The following RALGAPA2 variants were observed in gnomAD, a reference collection of about 807,000 sequenced individuals.
RALGAPA2 encodes ral GTPase-activating protein subunit alpha-2.
RALGAPA2 carries 139 observed loss-of-function variants against 230.4 expected under a neutral mutation model. The ratio of observed to expected loss-of-function variants is 0.60; its 90% CI spans 0.53 to 0.69. The LOEUF (loss-of-function observed/expected upper bound fraction) is 0.69. Among genes scored for constraint, RALGAPA2 ranks in the 30% least tolerant of loss-of-function variants. The probability of loss-of-function intolerance (pLI) is 0.00; values close to 1 mark genes in which losing one functional copy is unlikely to be tolerated. For missense variants in RALGAPA2, 2,163 were observed against 2,276.0 expected (o/e 0.95, Z 1.01); for synonymous variants, 847 against 837.8 (o/e 1.01, Z -0.19).
rs1286950747 is a variant in RALGAPA2 at position 20,398,162 on chromosome 20, T to C, written c.5618-1428A>G. 2.0e-5 allele frequency among the ~76,000 whole-genome samples: 3 copies of C among 152,214 alleles called. No homozygotes were observed. The highest frequency in any genetic ancestry group is 2.9e-5 in the Non-Finnish European group (2 of 68,038). On this transcript the variant is annotated intron_variant, in intron 38 of 39. Transcript: ENST00000202677. This position sits in a 1 kb window ranked among gnomAD's most constrained non-coding sequence, Gnocchi z 4.5. ...CCTTGAGTTGAGGAAGTTCGGCTTT[T>C]AGAGCACCATGCCACTGACACCCTC...
intron 16 of RALGAPA2, among the ~76,000 whole-genome samples, chr20:20,595,238 T>C (rs1281706570): frequency 2.0e-5 from 3 of 152,152 alleles, no homozygotes; most frequent in African/African-American, 7.2e-5. Context: ...GTAAGTGGAG[T>C]GAGGCTCATT....
intron 37 of RALGAPA2, among the ~76,000 whole-genome samples, chr20:20,458,430 TA>T (rs1386143267): frequency 1.4e-5 from 2 of 140,612 alleles, no homozygotes; most frequent in Admixed American, 1.5e-4. Flanking sequence ...AATATATATG[TA>T]TTTTTTATAT....
At chr20:20,409,719 C>T (rs972511741) in intron 38 of RALGAPA2, among the ~76,000 whole-genome samples, 30 of 152,192 alleles carry the variant, frequency 2.0e-4, no homozygotes, top group African/African-American at 6.0e-4. Flanking sequence ...TCCTCAAAAG[C>T]GAAGCCAGTA....
intron 31 of RALGAPA2, among the ~76,000 whole-genome samples, chr20:20,513,642 C>A (rs1206962240): frequency 3.9e-5 from 6 of 152,162 alleles, no homozygotes; most frequent in Non-Finnish European, 2.9e-5. Context: ...GGGATCCAAG[C>A]AACCCAGGCC....
At chr20:20,601,580 C>T (rs2065654703) in intron 16 of RALGAPA2, 102 bp downstream of exon 16, 1 of 1,169,816 alleles carries the variant, frequency 8.5e-7, no homozygotes, top group Non-Finnish European at 1.2e-6. Context: ...AATATAAGGT[C>T]TAATATTTAA....
chr20:20,557,939 A>T (rs1374746044), intron 23 of RALGAPA2, among the ~76,000 whole-genome samples: 1 of 152,188 alleles, frequency 6.6e-6, no homozygotes, highest in Non-Finnish European at 1.5e-5. Flanking sequence ...TTCAGGGTCA[A>T]TGAAGCACCA....
chr20:20,439,818 G>T (rs1249389766), intron 37 of RALGAPA2, among the ~76,000 whole-genome samples: 1 of 152,186 alleles, frequency 6.6e-6, no homozygotes, highest in East Asian at 1.9e-4. Flanking sequence ...ACAAGGTGCT[G>T]TTCAGCTGTA....
intron 37 of RALGAPA2, among the ~76,000 whole-genome samples, chr20:20,458,959 T>C (rs180846341): frequency 1.7e-3 from 258 of 150,988 alleles, no homozygotes; most frequent in African/African-American, 6.2e-3. Flanking sequence ...TCCTTCCAAA[T>C]GTCAACAGGA....
chr20:20,619,554 C>A, intron 11 of RALGAPA2, 140 bp from the exon 12 acceptor site: 1 of 696,760 alleles, frequency 1.4e-6, no homozygotes, highest in South Asian at 6.8e-5. Context: ...CACCAGGATT[C>A]ACATGAAAAT....
chr20:20,472,256 A>G (rs956726715), intron 37 of RALGAPA2: 2 of 152,208 alleles, frequency 1.3e-5, no homozygotes, highest in Non-Finnish European at 2.9e-5. Flanking sequence ...ATTACAAAAG[A>G]ATTTCTAGCT....
intron 5 of RALGAPA2, among the ~76,000 whole-genome samples, 161 bp from the exon 6 acceptor site, chr20:20,641,039 A>G (rs1200568884): frequency 1.3e-5 from 2 of 152,254 alleles, no homozygotes; most frequent in Non-Finnish European, 2.9e-5. Context: ...ATGCTGCAAT[A>G]CAGCACAAGA....
At chr20:20,555,048 A>G (rs1018479191) in intron 23 of RALGAPA2, among the ~76,000 whole-genome samples, 1 of 152,180 alleles carries the variant, frequency 6.6e-6, no homozygotes, top group African/African-American at 2.4e-5. Flanking sequence ...GAGTTTTACC[A>G]TTTTAGCTCT....
At chr20:20,662,753 G>C (rs1356688994) in intron 3 of RALGAPA2, among the ~76,000 whole-genome samples, 1 of 152,182 alleles carries the variant, frequency 6.6e-6, no homozygotes, top group Non-Finnish European at 1.5e-5. Context: ...CTAAAAGTTA[G>C]AGCCCTAAGA....
intron 3 of RALGAPA2, 138 bp downstream of exon 3, chr20:20,676,098 G>T (rs1341660155): frequency 3.5e-6 from 2 of 577,796 alleles, no homozygotes; most frequent in Non-Finnish European, 6.1e-6. Context: ...AAAGTGGGAG[G>T]GTGGGAGGAA....
At chr20:20,571,819 A>C (rs370592495) in intron 22 of RALGAPA2, 29 bp downstream of exon 22, 15 of 1,559,308 alleles carry the variant, frequency 9.6e-6, no homozygotes, top group Admixed American at 1.7e-5. Flanking sequence ...AGGAAATCGC[A>C]ATAAAGGAAT....
intron 37 of RALGAPA2, among the ~76,000 whole-genome samples, chr20:20,447,632 CT>C (rs67832544): frequency 0.062 from 8,967 of 143,754 alleles, 270 homozygotes; most frequent in Non-Finnish European, 0.075. Flanking sequence ...ATCAAATTGC[CT>C]TTTTTTTTTT....
At chr20:20,576,921 C>T (rs1356232532) in intron 20 of RALGAPA2, among the ~76,000 whole-genome samples, 2 of 151,948 alleles carry the variant, frequency 1.3e-5, no homozygotes, top group Admixed American at 6.6e-5. Flanking sequence ...TTTTAGTTGT[C>T]TTCTAACTAT....
chr20:20,635,745 C>G, intron 8 of RALGAPA2, 128 bp from the exon 9 acceptor site: 1 of 760,850 alleles, frequency 1.3e-6, no homozygotes, highest in South Asian at 2.1e-5. Flanking sequence ...GAATGAAGAA[C>G]CGCAATTATT....
chr20:20,466,230 A>G (rs1464228578), intron 37 of RALGAPA2, among the ~76,000 whole-genome samples: 1 of 152,246 alleles, frequency 6.6e-6, no homozygotes, highest in African/African-American at 2.4e-5. Flanking sequence ...AGAAGTCAAA[A>G]GTCTAGATTT....
Sources: gnomAD v4.1 joint callset for allele counts (sites outside exome capture counted in the v4.1 genomes callset) on GRCh38, gnomAD v4.1.1 for gene constraint, Gnocchi (gnomAD v3.1) non-coding constraint, MANE v1.5 for transcripts, NCBI Gene and HGNC (gene_info 2026-07-23, HGNC 2026-07-21) for gene names.